AVL9: variants seen among roughly 807,000 people sequenced by gnomAD.
AVL9 encodes AVL9 cell migration associated.
AVL9 carries 49 observed loss-of-function variants against 79.2 expected under a neutral mutation model. That is an observed-to-expected ratio of 0.62 (90% CI 0.49 to 0.79). The LOEUF is 0.79. Ranked by LOEUF, AVL9 falls within the 30% of genes least tolerant of loss-of-function variation. The pLI, the probability that AVL9 is intolerant of heterozygous loss-of-function variation, is 0.00. For synonymous variants in AVL9, 299 were observed against 280.6 expected (o/e 1.07, Z -0.65); for missense variants, 682 against 776.8 (o/e 0.88, Z 1.45).
chr7:32,497,801 G>A (rs1329440174), intron 1 of AVL9, among the ~76,000 whole-genome samples: 1 of 151,676 alleles, frequency 6.6e-6, no homozygotes, highest in African/African-American at 2.4e-5. Context: ...ACAGGCGCCC[G>A]CCACCGCGCC....
At chr7:32,518,368 T>G (rs1027904676) in intron 1 of AVL9, among the ~76,000 whole-genome samples, 6 of 152,178 alleles carry the variant, frequency 3.9e-5, no homozygotes, top group Admixed American at 2.0e-4. Context: ...TGTAATGGAA[T>G]AAATACTTAT....
Position 32,577,079 on chromosome 7 carries a change from A to G in AVL9, c.1688+1007A>G, listed in dbSNP as rs960899645. 1.4e-4 allele frequency among the ~76,000 whole-genome samples: 21 copies of G among 152,342 alleles called. No homozygotes were observed. In the East Asian group the frequency reaches 4.1e-3, roughly 29 times the overall value. On this transcript the variant is annotated intron_variant, in intron 13 of 15. Transcript: ENST00000318709. ...CCAGGCACAGTGGCTCACGCCTGTAATCCCAGCACTTTGGGAGGCTGAGGC... is the reference window on the plus strand; with the variant it reads ...CCAGGCACAGTGGCTCACGCCTGTAGTCCCAGCACTTTGGGAGGCTGAGGC...
chr7:32,524,675 G>T (rs761525195), intron 1 of AVL9, among the ~76,000 whole-genome samples: 8 of 152,074 alleles, frequency 5.3e-5, no homozygotes, highest in Non-Finnish European at 8.8e-5. Context: ...CACACTAAAT[G>T]GGAACTAGTA....
chr7:32,555,503 T>TG (rs1790014918), intron 8 of AVL9, among the ~76,000 whole-genome samples: 1 of 152,256 alleles, frequency 6.6e-6, no homozygotes, highest in African/African-American at 2.4e-5. Flanking sequence ...TTGCCATGAT[T>TG]GGCTTAGTCC....
In AVL9 at chr7:32,558,569, A is replaced by G. The variant is rs564041066; in HGVS notation, c.620A>G (p.Tyr207Cys). 7.5e-6 allele frequency: 12 copies of G among 1,609,470 alleles called. No individual in the cohort carries two copies. Among genetic ancestry groups the G allele is most frequent in the South Asian group, 1.1e-5 (1 of 90,164 alleles). ...LILLEKKVLF[Y>C]ISPVNKLVGA... ...TTGACTCCATTCCAGGTTCTTTTTTATATTTCTCCAGTGAATAAATTGGTG... is the reference window on the plus strand; with the variant it reads ...TTGACTCCATTCCAGGTTCTTTTTTGTATTTCTCCAGTGAATAAATTGGTG... Residue 207 changes from tyrosine (Y) to cysteine (C), a missense_variant, in exon 9 of 16, where the codon TAT becomes TGT. Transcript: ENST00000318709.
At chr7:32,559,518 G>A (rs571138185) in intron 10 of AVL9, 54 bp downstream of exon 10, 42 of 1,493,162 alleles carry the variant, frequency 2.8e-5, no homozygotes, top group Middle Eastern at 3.6e-4. Flanking sequence ...AAATCCTTTC[G>A]GAGTTTAACT....
rs1791452917 is a variant in AVL9, at chr7:32,580,636, A to G, written c.1743-166A>G. The G allele has an allele frequency of 4.0e-5, 24 of 602,398 alleles. No homozygotes were observed. The South Asian group carries it at 5.5e-4, about 14-fold the overall frequency. The allele number at this position is 602,398 out of a possible 1,614,324, so 37.3% of individuals were successfully genotyped here. A position where few individuals can be genotyped will look rare whatever the true frequency, so the allele number is the denominator to read the frequency against. On this transcript the variant is annotated intron_variant, in intron 14 of 15. Coordinates refer to ENST00000318709, the MANE Select transcript of AVL9 (RefSeq NM_015060.3). ...GAAAATGCACATGCTTAAAAGGTTAATAAATTAATTCATAACAAATAATAA... is the reference window on the plus strand; with the variant it reads ...GAAAATGCACATGCTTAAAAGGTTAGTAAATTAATTCATAACAAATAATAA...
At chr7:32,511,542 G>A (rs1787673557) in intron 1 of AVL9, among the ~76,000 whole-genome samples, 1 of 152,100 alleles carries the variant, frequency 6.6e-6, no homozygotes, top group Non-Finnish European at 1.5e-5. Flanking sequence ...ACTAGCAAGA[G>A]GGTCTATGAG....
At chr7:32,559,608 C>A in intron 10 of AVL9, 144 bp downstream of exon 10, 1 of 735,674 alleles carries the variant, frequency 1.4e-6, no homozygotes, top group Non-Finnish European at 2.1e-6. Context: ...ATACATAGTA[C>A]TGTGGCATCC....
chr7:32,520,731 C>T (rs1788105529), intron 1 of AVL9, among the ~76,000 whole-genome samples: 1 of 152,158 alleles, frequency 6.6e-6, no homozygotes. Context: ...GGGTACCCCT[C>T]CCACAGAATC....
Position 32,551,319 on chromosome 7 carries a change from C to CT in AVL9, c.373-9dup. ...TAATTATTAATCAATGGTAATTTCT[C>CT]TTTTTTCCTTTAAGCCTCTGTATGG... On this transcript the variant is annotated splice_polypyrimidine_tract_variant and intron_variant, in intron 4 of 15. Coordinates refer to ENST00000318709, the MANE Select transcript of AVL9 (RefSeq NM_015060.3). The CT allele has an allele frequency of 6.5e-7, 1 of 1,535,490 alleles. No homozygotes were observed. The highest frequency in any genetic ancestry group is 9.0e-7 in the Non-Finnish European group (1 of 1,114,682).
intron 3 of AVL9, among the ~76,000 whole-genome samples, chr7:32,547,035 T>G (rs931847264): frequency 2.0e-5 from 3 of 152,128 alleles, no homozygotes; most frequent in Admixed American, 2.0e-4. Flanking sequence ...CATTCTAAAG[T>G]AGCATCTTAA....
At position 32,586,182 on chromosome 7, in the gene AVL9, A is replaced by T. The variant is rs1791767658; in HGVS notation, c.*2275A>T. 1 of 152,170 alleles carries T rather than the reference A, an allele frequency of 6.6e-6. No homozygotes were observed. The allele number at this position is 152,170 out of a possible 1,614,324, so 9.4% of individuals were successfully genotyped here. A position where few individuals can be genotyped will look rare whatever the true frequency, so the allele number is the denominator to read the frequency against. ...TGAAGTTTAACTTTGCTTTAATATC[A>T]CTTGTTCCTCATTGAATATACACTT... On this transcript the variant is annotated 3_prime_UTR_variant, in exon 16 of 16. Coordinates refer to ENST00000318709, the MANE Select transcript of AVL9 (RefSeq NM_015060.3).
chr7:32,512,310 T>C (rs1308046417), intron 1 of AVL9, among the ~76,000 whole-genome samples: 1 of 152,246 alleles, frequency 6.6e-6, no homozygotes, highest in Non-Finnish European at 1.5e-5. Flanking sequence ...GGGAAGTCAG[T>C]ATCCTAGTCT....
intron 10 of AVL9, among the ~76,000 whole-genome samples, chr7:32,564,980 C>T (rs1230667085): frequency 2.6e-5 from 4 of 152,178 alleles, no homozygotes; most frequent in African/African-American, 9.7e-5. Context: ...GAGGAAGATA[C>T]AGTAGCTATT....
intron 13 of AVL9, among the ~76,000 whole-genome samples, chr7:32,579,305 T>G (rs1357264995): frequency 2.2e-5 from 1 of 46,510 alleles, no homozygotes; most frequent in Non-Finnish European, 3.5e-5. Flanking sequence ...TTATATATAT[T>G]ATATATTATA....
chr7:32,532,485 C>A (rs1264201781), intron 1 of AVL9: 1 of 149,486 alleles, frequency 6.7e-6, no homozygotes, highest in African/African-American at 2.5e-5. Context: ...TATATGTTGA[C>A]ACAAGCAAAA....
At chr7:32,581,848 A>C (rs1029634153) in intron 15 of AVL9, among the ~76,000 whole-genome samples, 2 of 152,158 alleles carry the variant, frequency 1.3e-5, no homozygotes, top group African/African-American at 4.8e-5. Context: ...TAACGTGAAA[A>C]GCCTTGCCAT....
chr7:32,546,592 G>T (rs1789516705), intron 3 of AVL9, among the ~76,000 whole-genome samples: 1 of 152,130 alleles, frequency 6.6e-6, no homozygotes, highest in Non-Finnish European at 1.5e-5. Flanking sequence ...GGAGGCCAAG[G>T]CGGGCGGATC....
Sources: gnomAD v4.1 joint callset for allele counts (sites outside exome capture counted in the v4.1 genomes callset) on GRCh38, gnomAD v4.1.1 for gene constraint, MANE v1.5 for transcripts, NCBI Gene and HGNC (gene_info 2026-07-23, HGNC 2026-07-21) for gene names.